EXOC2: variants seen among roughly 807,000 people sequenced by gnomAD.
The protein encoded by EXOC2 is SEC5-like 1.
In EXOC2, 70 loss-of-function variants were observed where a neutral mutation model predicts 131.8. The observed-to-expected ratio is 0.53, with a 90% confidence interval of 0.44 to 0.65. The LOEUF is 0.65. Ranked by LOEUF, EXOC2 falls within the 30% of genes least tolerant of loss-of-function variation. The pLI, the probability that EXOC2 is intolerant of heterozygous loss-of-function variation, is 0.00. For missense variants in EXOC2, 923 were observed against 1,108.6 expected (o/e 0.83, Z 2.38); for synonymous variants, 411 against 398.4 (o/e 1.03, Z -0.38).
At chr6:614,920 C>G (rs533690212) in intron 6 of EXOC2, among the ~76,000 whole-genome samples, 147 of 129,578 alleles carry the variant, frequency 1.1e-3, no homozygotes, top group Middle Eastern at 0.011. Flanking sequence ...CAAAAATTTA[C>G]TAAAAACTAC....
chr6:564,801 C>A (rs1757885401), intron 14 of EXOC2, 63 bp downstream of exon 14: 1 of 1,584,032 alleles, frequency 6.3e-7, no homozygotes, highest in African/African-American at 1.4e-5. Context: ...GTCTTGAATA[C>A]AAAGTGAGAA....
intron 2 of EXOC2, among the ~76,000 whole-genome samples, chr6:637,408 C>T: frequency 6.6e-6 from 1 of 152,188 alleles, no homozygotes; most frequent in East Asian, 1.9e-4. Context: ...ACTATAAAAG[C>T]AGCTCTTTTG....
At chr6:590,893 C>T (rs1759504121) in intron 11 of EXOC2, among the ~76,000 whole-genome samples, 2 of 152,174 alleles carry the variant, frequency 1.3e-5, no homozygotes, top group South Asian at 2.1e-4. Flanking sequence ...GATCCAACTA[C>T]TTCCATCTCT....
chr6:673,558 G>C lies in EXOC2; in HGVS notation c.-44+19461C>G, dbSNP rs144907079. On this transcript the variant is annotated intron_variant, in intron 1 of 27. Coordinates refer to ENST00000230449, the MANE Select transcript of EXOC2 (RefSeq NM_018303.6). Reference sequence around the variant, plus strand: ...AGGAGGAGCGAAAACGTTTCTAACAGTACAGATTTTGAGATCTATGTTTTC... The same window carrying C: ...AGGAGGAGCGAAAACGTTTCTAACACTACAGATTTTGAGATCTATGTTTTC... 5.9e-3 allele frequency among the ~76,000 whole-genome samples: 901 copies of C among 152,258 alleles called. 8 individuals are homozygous for C. The highest frequency in any genetic ancestry group is 0.02 in the African/African-American group (831 of 41,546).
chr6:504,124 G>A (rs139930422), intron 23 of EXOC2, among the ~76,000 whole-genome samples: 18 of 152,240 alleles, frequency 1.2e-4, no homozygotes, highest in African/African-American at 3.6e-4. Flanking sequence ...GTGCTTTCCC[G>A]ACTGGGCAGA....
chr6:664,872 G>C (rs925863624), intron 1 of EXOC2, among the ~76,000 whole-genome samples: 3 of 152,172 alleles, frequency 2.0e-5, no homozygotes, highest in Non-Finnish European at 4.4e-5. Context: ...TCTAGACATT[G>C]GCTTAGGCAA....
chr6:636,019 C>T (rs925538348), intron 2 of EXOC2, among the ~76,000 whole-genome samples: 2 of 152,250 alleles, frequency 1.3e-5, no homozygotes, highest in African/African-American at 2.4e-5. Flanking sequence ...GCCAAGATCA[C>T]GCCACTGCAC....
chr6:650,492 T>TA (rs1430969268), intron 1 of EXOC2, among the ~76,000 whole-genome samples: 5 of 152,242 alleles, frequency 3.3e-5, no homozygotes, highest in African/African-American at 1.2e-4. Context: ...TTCTGTATTG[T>TA]AAAACGTTTT....
At chr6:655,945 A>C (rs1763054569) in intron 1 of EXOC2, 3 of 585,590 alleles carry the variant, frequency 5.1e-6, no homozygotes. Flanking sequence ...CAACTGTTTT[A>C]CCAATGCTTT....
chr6:546,101 A>G (rs1756839407), intron 22 of EXOC2, among the ~76,000 whole-genome samples: 1 of 152,044 alleles, frequency 6.6e-6, no homozygotes, highest in South Asian at 2.1e-4. Context: ...TTGGTGCATT[A>G]TAGATTATTT....
intron 11 of EXOC2, among the ~76,000 whole-genome samples, chr6:583,376 C>T (rs1759021228): frequency 6.6e-6 from 1 of 152,120 alleles, no homozygotes; most frequent in Non-Finnish European, 1.5e-5. Flanking sequence ...TGGAAAAGAA[C>T]CAGCTGCTAC....
chr6:489,148 G>C, intron 26 of EXOC2, 110 bp from the exon 27 acceptor site: 1 of 970,104 alleles, frequency 1.0e-6, no homozygotes, highest in Non-Finnish European at 1.5e-6. Flanking sequence ...AGTGAAGCAA[G>C]GAAATATGAG....
intron 1 of EXOC2, among the ~76,000 whole-genome samples, chr6:649,965 T>A (rs1762758652): frequency 6.6e-6 from 1 of 152,232 alleles, no homozygotes; most frequent in Non-Finnish European, 1.5e-5. Context: ...GACTTTGACT[T>A]TTTTTAATGT....
At chr6:560,496 T>A (rs1757642510) in intron 17 of EXOC2, among the ~76,000 whole-genome samples, 3 of 152,234 alleles carry the variant, frequency 2.0e-5, no homozygotes, top group African/African-American at 7.2e-5. Flanking sequence ...AATTTTCATA[T>A]AATCTATTTA....
intron 13 of EXOC2, among the ~76,000 whole-genome samples, chr6:565,332 T>C (rs1432058681): frequency 1.3e-5 from 2 of 152,248 alleles, no homozygotes; most frequent in Non-Finnish European, 2.9e-5. Flanking sequence ...CTGAAATCTG[T>C]CATTTTAGTT....
chr6:500,432 C>G (rs562142506), intron 23 of EXOC2, among the ~76,000 whole-genome samples: 4 of 152,294 alleles, frequency 2.6e-5, no homozygotes, highest in African/African-American at 7.2e-5. Flanking sequence ...GGGGACCAAA[C>G]CCCAGTTTCG....
chr6:533,707 G>T (rs75494154), intron 22 of EXOC2, among the ~76,000 whole-genome samples: 1 of 152,092 alleles, frequency 6.6e-6, no homozygotes, highest in East Asian at 1.9e-4. Context: ...AGAAGAAGAG[G>T]GGGGAGGCAG....
At chr6:651,713 T>G (rs1255599560) in intron 1 of EXOC2, among the ~76,000 whole-genome samples, 1 of 151,350 alleles carries the variant, frequency 6.6e-6, no homozygotes, top group Admixed American at 6.6e-5. Context: ...TCTACAGAAG[T>G]GCTCATGAGG....
rs187037065 is a variant in EXOC2 at position 665,383 on chromosome 6, T to G, written c.-43-27522A>C. Among the ~76,000 whole-genome samples the G allele has an allele frequency of 3.9e-3, 591 of 152,222 alleles. 1 individual carries two copies. The highest frequency in any genetic ancestry group is 7.7e-3 in the Admixed American group (117 of 15,292). On this transcript the variant is annotated intron_variant, in intron 1 of 27. Transcript: ENST00000230449. ...TATGGAAAACAGTGTGGAGATTCCT[T>G]AAAGAACTAAAAGTAGAACTACCAT... is the stretch of plus-strand genomic sequence containing the variant.
Sources: gnomAD v4.1 joint callset for allele counts (sites outside exome capture counted in the v4.1 genomes callset) on GRCh38, gnomAD v4.1.1 for gene constraint, MANE v1.5 for transcripts, NCBI Gene and HGNC (gene_info 2026-07-23, HGNC 2026-07-21) for gene names.